The following RGS6 variants were observed in gnomAD, a reference collection of about 807,000 sequenced individuals.
RGS6 encodes the protein regulator of G-protein signaling 6.
RGS6 carries 30 observed loss-of-function variants against 78.5 expected under a neutral mutation model. The observed-to-expected ratio is 0.38, with a 90% CI of 0.29 to 0.52. RGS6 has a LOEUF of 0.52. Among genes scored for constraint, RGS6 ranks in the 20% least tolerant of loss-of-function variants. The probability of loss-of-function intolerance (pLI) is 0.85; values close to 1 mark genes in which losing one functional copy is unlikely to be tolerated. For missense variants in RGS6, 495 were observed against 609.7 expected (o/e 0.81, Z 1.98); for synonymous variants, 206 against 206.0 (o/e 1.00, Z 0.00).
At chr14:72,065,571 T>A (rs564531920) in intron 2 of RGS6, among the ~76,000 whole-genome samples, 1 of 152,304 alleles carries the variant, frequency 6.6e-6, no homozygotes, top group African/African-American at 2.4e-5. Flanking sequence ...GATCTTTTTC[T>A]ATTGCCATAT....
At chr14:72,465,862 G>T in intron 7 of RGS6, 40 bp downstream of exon 7, 1 of 1,507,894 alleles carries the variant, frequency 6.6e-7, no homozygotes, top group African/African-American at 1.4e-5. Context: ...TAAGAAGAGA[G>T]TAAAATCATA....
intron 3 of RGS6, among the ~76,000 whole-genome samples, chr14:72,380,201 T>C (rs2152881868): frequency 6.6e-6 from 1 of 152,108 alleles, no homozygotes; most frequent in East Asian, 1.9e-4. Flanking sequence ...ATGCAAAATC[T>C]GAAAATATAA....
At chr14:72,142,110 G>T (rs1178197609) in intron 2 of RGS6, among the ~76,000 whole-genome samples, 2 of 152,062 alleles carry the variant, frequency 1.3e-5, no homozygotes, top group African/African-American at 4.8e-5. Context: ...TGTTAACGGT[G>T]CTGAGTTCTT....
At chr14:72,073,126 A>C (rs753097350) in intron 2 of RGS6, among the ~76,000 whole-genome samples, 52 of 152,228 alleles carry the variant, frequency 3.4e-4, no homozygotes, top group Non-Finnish European at 6.9e-4. Flanking sequence ...AAGTTTTGTT[A>C]ACGTTTCTTT....
downstream of RGS6, among the ~76,000 whole-genome samples, chr14:72,570,737 T>A (rs17117760): frequency 0.036 from 5,521 of 152,222 alleles, 372 homozygotes; most frequent in African/African-American, 0.13. Flanking sequence ...GAAAACCAGG[T>A]CAACTGGAGG....
chr14:72,208,350 A>G (rs573533384), intron 2 of RGS6, among the ~76,000 whole-genome samples: 24 of 152,310 alleles, frequency 1.6e-4, no homozygotes, highest in Non-Finnish European at 2.6e-4. Context: ...TACTGGGATG[A>G]GCCTTTCATG....
chr14:72,258,730 G>A (rs2153876238), intron 2 of RGS6, among the ~76,000 whole-genome samples: 1 of 152,294 alleles, frequency 6.6e-6, no homozygotes, highest in South Asian at 2.1e-4. Context: ...AGGGCTTGTT[G>A]TGAAGATTAT....
At chr14:72,438,010 A>G (rs1388688057) in intron 3 of RGS6, among the ~76,000 whole-genome samples, 1 of 152,220 alleles carries the variant, frequency 6.6e-6, no homozygotes, top group Non-Finnish European at 1.5e-5. Flanking sequence ...AGATGCCATC[A>G]GTGGTGGTCG....
intron 2 of RGS6, among the ~76,000 whole-genome samples, chr14:72,144,316 G>C (rs888126465): frequency 2.0e-5 from 3 of 152,112 alleles, no homozygotes; most frequent in African/African-American, 7.2e-5. Context: ...TGGCAAAAAA[G>C]CTAAAATTCT....
At chr14:71,874,142 T>C in the RGS6 span, among the ~76,000 whole-genome samples, 663 of 152,298 alleles carry the variant, frequency 4.4e-3, 5 homozygotes, top group African/African-American at 0.015. Context: ...TTTGGTTCCA[T>C]ATGAACTTTA....
At chr14:72,214,158 C>G (rs2153774342) in intron 2 of RGS6, among the ~76,000 whole-genome samples, 1 of 151,178 alleles carries the variant, frequency 6.6e-6, no homozygotes, top group African/African-American at 2.4e-5. Flanking sequence ...AGAAAAAAAA[C>G]TACACTGTTT....
intron 3 of RGS6, among the ~76,000 whole-genome samples, chr14:72,453,486 G>C: frequency 6.8e-6 from 1 of 147,502 alleles, no homozygotes; most frequent in East Asian, 2.0e-4. Context: ...CGTAGTGGCA[G>C]GCGCCTGTAG....
intron 11 of RGS6, 101 bp from the exon 12 acceptor site, chr14:72,478,167 G>A (rs1389557308): frequency 2.6e-6 from 2 of 784,096 alleles, no homozygotes; most frequent in Non-Finnish European, 4.4e-6. Context: ...GCCAGAGGAG[G>A]TATTTGGATC....
At chr14:71,996,877 C>T (rs1321859537) in intron 2 of RGS6, among the ~76,000 whole-genome samples, 1 of 152,040 alleles carries the variant, frequency 6.6e-6, no homozygotes, top group Non-Finnish European at 1.5e-5. Context: ...GACTGCAGTT[C>T]TGGGAACTGT....
intron 2 of RGS6, among the ~76,000 whole-genome samples, chr14:72,245,961 T>A (rs905063208): frequency 5.3e-5 from 8 of 152,208 alleles, no homozygotes; most frequent in Non-Finnish European, 1.0e-4. Flanking sequence ...GGAGGGTACC[T>A]TTCACATGAT....
chr14:72,198,587 G>A (rs901752935), intron 2 of RGS6, among the ~76,000 whole-genome samples: 2 of 152,302 alleles, frequency 1.3e-5, no homozygotes, highest in Admixed American at 1.3e-4. Flanking sequence ...AATGCTTTGG[G>A]TTAGATCCCT....
At chr14:72,440,298 G>A (rs1275466642) in intron 3 of RGS6, among the ~76,000 whole-genome samples, 8 of 152,076 alleles carry the variant, frequency 5.3e-5, no homozygotes, top group Admixed American at 2.6e-4. Flanking sequence ...TGGGCTCTGC[G>A]CTCAGACCCT....
At chr14:72,323,213 T>C (rs1038835659) in intron 2 of RGS6, among the ~76,000 whole-genome samples, 1 of 152,122 alleles carries the variant, frequency 6.6e-6, no homozygotes, top group Non-Finnish European at 1.5e-5. Context: ...AAAATACTAC[T>C]CATGTTAATC....
At chr14:72,436,187 T>C (rs953527953) in intron 3 of RGS6, among the ~76,000 whole-genome samples, 1 of 152,212 alleles carries the variant, frequency 6.6e-6, no homozygotes, top group East Asian at 1.9e-4. Flanking sequence ...CATTAAGATA[T>C]AAATTCCTGA....
Sources: allele counts gnomAD v4.1 joint callset (sites outside exome capture counted in the v4.1 genomes callset), GRCh38; gene constraint gnomAD v4.1.1; transcripts MANE v1.5; gene names NCBI Gene and HGNC (gene_info 2026-07-23, HGNC 2026-07-21).